Variants in FGD6 observed in about 807,000 individuals in gnomAD.
FGD6 encodes FYVE, RhoGEF and PH domain-containing protein 6.
Under a neutral mutation model 149.4 loss-of-function variants are expected in FGD6, and 90 were observed. The ratio of observed to expected loss-of-function variants is 0.60; its 90% CI spans 0.51 to 0.72. The LOEUF (loss-of-function observed/expected upper bound fraction) is 0.72. Ranked by LOEUF, FGD6 falls within the 30% of genes least tolerant of loss-of-function variation. The pLI is 0.00. For missense variants in FGD6, 1,437 were observed against 1,684.8 expected, an observed-to-expected ratio of 0.85 and a Z score of 2.57; for synonymous variants, 527 against 584.0, an observed-to-expected ratio of 0.90 and a Z score of 1.41.
chr12:95,181,686 G>GCA (rs1242078470), intron 2 of FGD6, among the ~76,000 whole-genome samples: 1 of 109,334 alleles, frequency 9.1e-6, no homozygotes, highest in Non-Finnish European at 2.1e-5. Flanking sequence ...GGGCACAGTG[G>GCA]CTCACGCCTG....
intron 8 of FGD6, among the ~76,000 whole-genome samples, chr12:95,131,903 G>A (rs920571588): frequency 1.3e-5 from 2 of 152,156 alleles, no homozygotes; most frequent in African/African-American, 4.8e-5. Flanking sequence ...AGCCAGGTAT[G>A]GTGGCAGGTG....
intron 8 of FGD6, among the ~76,000 whole-genome samples, chr12:95,118,678 G>C (rs1879097837): frequency 6.6e-6 from 1 of 152,152 alleles, no homozygotes; most frequent in African/African-American, 2.4e-5. Flanking sequence ...CAAGTGTTTT[G>C]AATTTGAGGA....
At chr12:95,207,695 A>AG (rs1426885200) in intron 2 of FGD6, among the ~76,000 whole-genome samples, 1 of 152,230 alleles carries the variant, frequency 6.6e-6, no homozygotes, top group Non-Finnish European at 1.5e-5. Flanking sequence ...CAGGGCAAAG[A>AG]GATGACTAGA....
chr12:95,216,517 A>G (rs773184283), intron 1 of FGD6, among the ~76,000 whole-genome samples: 13 of 152,166 alleles, frequency 8.5e-5, no homozygotes, highest in Non-Finnish European at 1.8e-4. Flanking sequence ...TCAGAAACAC[A>G]ACGTCTAGAA....
chr12:95,109,041 T>C (rs748257016), intron 9 of FGD6, among the ~76,000 whole-genome samples: 6 of 152,188 alleles, frequency 3.9e-5, no homozygotes, highest in African/African-American at 1.4e-4. Context: ...CTCAGTCTCT[T>C]AGTCTGATTC....
intron 9 of FGD6, among the ~76,000 whole-genome samples, chr12:95,112,699 G>A (rs1055930403): frequency 3.9e-5 from 6 of 152,176 alleles, no homozygotes; most frequent in African/African-American, 1.2e-4. Flanking sequence ...GTATGTGTGT[G>A]TATCTGCGAG....
chr12:95,206,949 C>T (rs546204470), intron 2 of FGD6, among the ~76,000 whole-genome samples: 2 of 151,332 alleles, frequency 1.3e-5, no homozygotes, highest in South Asian at 4.2e-4. Context: ...TTACTTGGTA[C>T]GCTGACTTGC....
At chr12:95,138,925 T>G (rs2136261298) in intron 6 of FGD6, among the ~76,000 whole-genome samples, 1 of 152,328 alleles carries the variant, frequency 6.6e-6, no homozygotes, top group South Asian at 2.1e-4. Flanking sequence ...ACTAAATGTC[T>G]GCTCCATGAA....
At chr12:95,171,934 T>TAATAAGAA (rs1881000622) in intron 3 of FGD6, among the ~76,000 whole-genome samples, 1 of 151,722 alleles carries the variant, frequency 6.6e-6, no homozygotes, top group South Asian at 2.1e-4. Context: ...TTAACAGCCA[T>TAATAAGAA]CTTTATTCTT....
chr12:95,207,807 G>C (rs894429629), intron 2 of FGD6, among the ~76,000 whole-genome samples: 4 of 152,142 alleles, frequency 2.6e-5, no homozygotes, highest in African/African-American at 9.7e-5. Context: ...AGCATAACTG[G>C]GTGGTCAGAA....
At chr12:95,192,791 A>C (rs1881628138) in intron 2 of FGD6, among the ~76,000 whole-genome samples, 1 of 152,218 alleles carries the variant, frequency 6.6e-6, no homozygotes, top group Admixed American at 6.5e-5. Flanking sequence ...TAGGTCTAGA[A>C]AGATGAAAAA....
At chr12:95,096,907 C>G (rs1878248738) in intron 14 of FGD6, among the ~76,000 whole-genome samples, 1 of 152,174 alleles carries the variant, frequency 6.6e-6, no homozygotes, top group Non-Finnish European at 1.5e-5. Context: ...ATTACCATCT[C>G]TCCCTCCCTC....
At chr12:95,217,119 C>G in intron 1 of FGD6, 106 bp downstream of exon 1, 4 of 1,533,654 alleles carry the variant, frequency 2.6e-6, no homozygotes, top group Non-Finnish European at 3.6e-6. Context: ...GGCAAAGGTA[C>G]GGGGCACACA....
chr12:95,102,964 C>T (rs150960301), intron 14 of FGD6, among the ~76,000 whole-genome samples: 6 of 152,198 alleles, frequency 3.9e-5, no homozygotes, highest in East Asian at 1.9e-4. Context: ...AAATATAAAA[C>T]GAAACATGAG....
intron 15 of FGD6, 92 bp from the exon 16 acceptor site, chr12:95,092,937 A>C: frequency 7.0e-7 from 1 of 1,419,048 alleles, no homozygotes; most frequent in Middle Eastern, 1.8e-4. Context: ...GATGGGGATG[A>C]GGGTCAGGCA....
intron 20 of FGD6, among the ~76,000 whole-genome samples, chr12:95,082,797 T>C (rs1236145891): frequency 6.6e-6 from 1 of 150,648 alleles, no homozygotes; most frequent in Non-Finnish European, 1.5e-5. Context: ...TCCCTACTAA[T>C]GTAATTGCTT....
At chr12:95,194,616 G>C (rs916047209) in intron 2 of FGD6, among the ~76,000 whole-genome samples, 2 of 143,304 alleles carry the variant, frequency 1.4e-5, no homozygotes, top group East Asian at 4.5e-4. Flanking sequence ...TGGGAGGGGG[G>C]TGGGTGTGGG....
chr12:95,140,131 A>G (rs1321341049), intron 6 of FGD6, among the ~76,000 whole-genome samples: 1 of 152,210 alleles, frequency 6.6e-6, no homozygotes, highest in East Asian at 1.9e-4. Flanking sequence ...AATTTTGAAC[A>G]TGAAAGTAGG....
intron 3 of FGD6, among the ~76,000 whole-genome samples, chr12:95,170,722 A>T (rs185387608): frequency 1.3e-5 from 2 of 152,372 alleles, no homozygotes; most frequent in African/African-American, 4.8e-5. Flanking sequence ...GGTACCTGGA[A>T]CATAGTGCAA....
Sources: gnomAD v4.1 joint callset for allele counts (sites outside exome capture counted in the v4.1 genomes callset) on GRCh38, gnomAD v4.1.1 for gene constraint, MANE v1.5 for transcripts, NCBI Gene and HGNC (gene_info 2026-07-23, HGNC 2026-07-21) for gene names.